Variants in PPP2R5C observed in about 807,000 individuals in gnomAD.
The protein encoded by PPP2R5C is protein phosphatase 2 regulatory subunit B'gamma, also known as serine/threonine-protein phosphatase 2A 56 kDa regulatory subunit gamma isoform.
A neutral mutation model predicts 68.9 loss-of-function variants in PPP2R5C; 7 were observed. The observed-to-expected ratio is 0.10, with a 90% CI of 0.06 to 0.19. The LOEUF (loss-of-function observed/expected upper bound fraction) is 0.19. PPP2R5C is among the 10% of genes least tolerant of loss of function. The pLI, the probability that PPP2R5C is intolerant of heterozygous loss-of-function variation, is 1.00. For synonymous variants in PPP2R5C, 210 were observed against 222.2 expected (o/e 0.95, Z 0.49); for missense variants, 348 against 641.3 (o/e 0.54, Z 4.94).
rs1221915696 is a variant in PPP2R5C at position 101,809,962 on chromosome 14, C to T, written c.20C>T (p.Ala7Val). ...GTCTAGATGTTGACATGTAATAAAG[C>T]GGGCAGCAGGATGGTGGTGGATGCG... The change falls in exon 1 of 14, where the codon GCG (alanine) becomes GTG (valine). Residue 7 changes from alanine to valine, a missense_variant. Ala to Val is a moderately conservative substitution (Grantham distance 64, BLOSUM62 0). This residue lies in a region of PPP2R5C where 75 missense variants were observed against 120.9 expected (regional missense o/e 0.62). Coordinates refer to ENST00000334743, the Ensembl canonical transcript of PPP2R5C. 3.1e-6 allele frequency: 5 copies of T among 1,613,804 alleles called. No individual in the cohort carries two copies. In the South Asian group the frequency reaches 3.3e-5, roughly 11 times the overall value.
rs573158782 is a variant in PPP2R5C, at chr14:101,811,427, A to T, written c.94+1391A>T. ...ATGATCACAGCTCACTGCAGCCTCC[A>T]CCTCCCGAGCTCAGGTGATTCTCCC... On this transcript the variant is annotated intron_variant, in intron 1 of 13. Coordinates refer to ENST00000334743, the Ensembl canonical transcript of PPP2R5C. Among the ~76,000 whole-genome samples, 5 of 152,192 alleles carry T rather than the reference A, an allele frequency of 3.3e-5. No individual in the cohort carries two copies. The South Asian group carries it at 1.0e-3, about 32-fold the overall frequency.
chr14:101,859,298 A>G (rs2140607454), intron 2 of PPP2R5C, among the ~76,000 whole-genome samples: 1 of 152,366 alleles, frequency 6.6e-6, no homozygotes, highest in African/African-American at 2.4e-5. Flanking sequence ...AATCCAGATG[A>G]AATAGATAGG....
At chr14:101,818,167 G>C (rs115231693) in intron 1 of PPP2R5C, 1 of 152,098 alleles carries the variant, frequency 6.6e-6, no homozygotes, top group Non-Finnish European at 1.5e-5. Flanking sequence ...ACATGTCCAC[G>C]GCCTCAGTTC....
chr14:101,810,056 A>C (rs764768665), intron 1 of PPP2R5C: 13 of 1,604,718 alleles, frequency 8.1e-6, no homozygotes, highest in Middle Eastern at 1.7e-4. Context: ...TGTGTGTTTC[A>C]CTGAATCGGA....
chr14:101,792,441 G>T (rs959986535), intron 3 of PPP2R5C, among the ~76,000 whole-genome samples: 6 of 152,142 alleles, frequency 3.9e-5, no homozygotes, highest in African/African-American at 7.2e-5. Flanking sequence ...TTTCACTAGC[G>T]AATTCAACAT....
chr14:101,906,488 G>A lies in PPP2R5C; in HGVS notation c.1110G>A (p.Met370Ile), dbSNP rs2046030849. The A allele has an allele frequency of 6.2e-7, 1 of 1,613,580 alleles. No individual in the cohort carries two copies. The highest frequency in any genetic ancestry group is 2.2e-5 in the East Asian group (1 of 44,876). The change falls in exon 10 of 14, where the codon ATG (methionine) becomes ATA (isoleucine). Residue 370 changes from methionine to isoleucine, a missense_variant. Transcript: ENST00000334743. The surrounding 1 kb of genome is among the most constrained non-coding windows in gnomAD (Gnocchi z 4.0). The stretch of plus-strand genomic sequence containing the variant: ...ACGCAGCGAAGATTCTGCCCATCAT[G>A]TTTCCTTCCTTGTACCGCAACTCAA...
In PPP2R5C at chr14:101,865,000, G is replaced by A. The variant is rs1467572602; in HGVS notation, c.294+8115G>A. Among the ~76,000 whole-genome samples the A allele has an allele frequency of 2.6e-5, 4 of 152,188 alleles. No individual in the cohort carries two copies. The East Asian group carries it at 7.7e-4, about 29-fold the overall frequency. ...TGATGGCAGAGAGAAATGGGCAAAT[G>A]CAGAGATGTTAAGAAGGTAGAAACA... On this transcript the variant is annotated intron_variant, in intron 2 of 13. Coordinates refer to ENST00000334743, the Ensembl canonical transcript of PPP2R5C.
chr14:101,775,160 A>G (rs2037352611), intron 2 of PPP2R5C, among the ~76,000 whole-genome samples: 2 of 151,806 alleles, frequency 1.3e-5, no homozygotes, highest in East Asian at 1.9e-4. Context: ...TTTTTGTTTG[A>G]CTCTATTCAC....
chr14:101,874,080 CA>C (rs1404305400), intron 2 of PPP2R5C, among the ~76,000 whole-genome samples: 41 of 152,168 alleles, frequency 2.7e-4, no homozygotes, highest in African/African-American at 9.4e-4. Flanking sequence ...GGGGATCTAG[CA>C]ATTATTATAA....
chr14:101,821,444 GGTGGGTGGGTGTGTGTGT>G (rs2040054618), intron 1 of PPP2R5C, among the ~76,000 whole-genome samples: 1 of 130,060 alleles, frequency 7.7e-6, no homozygotes, highest in Non-Finnish European at 1.7e-5. Flanking sequence ...GTGGGGGGTG[GGTGGGTGGGTGTGTGTGT>G]GTGTGTGTGT....
intron 2 of PPP2R5C, among the ~76,000 whole-genome samples, chr14:101,871,177 G>GT (rs1410510708): frequency 2.0e-5 from 3 of 151,956 alleles, no homozygotes; most frequent in African/African-American, 7.3e-5. Context: ...CGTAAAGTGG[G>GT]TGTATGGTAG....
chr14:101,795,766 ATTT>A (rs2038576549), intron 3 of PPP2R5C, among the ~76,000 whole-genome samples: 3 of 152,216 alleles, frequency 2.0e-5, no homozygotes, highest in Admixed American at 6.5e-5. Flanking sequence ...CCAGTTAAAT[ATTT>A]TATATCTCTT....
At chr14:101,901,227 C>T (rs1362415864) in intron 8 of PPP2R5C, among the ~76,000 whole-genome samples, 2 of 152,058 alleles carry the variant, frequency 1.3e-5, no homozygotes, top group Non-Finnish European at 2.9e-5. Context: ...GTGTTTTCTC[C>T]GTTGATCTTA....
At chr14:101,905,484 C>T (rs961726100) in intron 9 of PPP2R5C, among the ~76,000 whole-genome samples, 1 of 152,092 alleles carries the variant, frequency 6.6e-6, no homozygotes. Context: ...CATGGCAAAA[C>T]CCTGTCTCCA....
At chr14:101,850,377 G>A (rs371317053) in intron 1 of PPP2R5C, among the ~76,000 whole-genome samples, 2 of 152,154 alleles carry the variant, frequency 1.3e-5, no homozygotes, top group East Asian at 3.8e-4. Context: ...TACCATTGAC[G>A]ATCACATCAA....
chr14:101,876,980 A>C (rs1281918873), intron 2 of PPP2R5C, among the ~76,000 whole-genome samples: 1 of 111,648 alleles, frequency 9.0e-6, no homozygotes, highest in African/African-American at 3.7e-5. Context: ...ATGGAGTCTC[A>C]CTCTATTGCC....
intron 3 of PPP2R5C, among the ~76,000 whole-genome samples, chr14:101,801,506 A>G (rs2038861029): frequency 6.6e-6 from 1 of 152,216 alleles, no homozygotes; most frequent in Admixed American, 6.5e-5. Flanking sequence ...TCTGATGGAT[A>G]TGTAATATTT....
chr14:101,838,818 C>T (rs1041415122), intron 1 of PPP2R5C, among the ~76,000 whole-genome samples: 15 of 151,150 alleles, frequency 9.9e-5, no homozygotes, highest in African/African-American at 2.4e-4. Flanking sequence ...CCAAGGCAGG[C>T]GGATTGCTTG....
intron 2 of PPP2R5C, among the ~76,000 whole-genome samples, chr14:101,868,045 G>A (rs2043190388): frequency 6.6e-6 from 1 of 152,188 alleles, no homozygotes; most frequent in African/African-American, 2.4e-5. Context: ...AGGGACTGAT[G>A]TGGGGCACGT....
Sources: allele counts gnomAD v4.1 joint callset (sites outside exome capture counted in the v4.1 genomes callset), GRCh38; gene constraint gnomAD v4.1.1; regional missense constraint gnomAD v4.1.1; non-coding constraint Gnocchi (gnomAD v3.1); transcripts MANE v1.5; gene names NCBI Gene and HGNC (gene_info 2026-07-23, HGNC 2026-07-21).